NBPF15: variants seen among roughly 807,000 people sequenced by gnomAD.
NBPF15 encodes the protein NBPF member 15, also known as NBPF family member NBPF15.
In NBPF15, 74 loss-of-function variants were observed where a neutral mutation model predicts 62.2. The observed-to-expected ratio is 1.19, with a 90% CI of 0.99 to 1.44. NBPF15 has a LOEUF of 1.44. Ranked by LOEUF, NBPF15 falls within the 40% of genes most tolerant of loss-of-function variation. The probability of loss-of-function intolerance (pLI) is 0.00; values close to 1 mark genes in which losing one functional copy is unlikely to be tolerated. For synonymous variants in NBPF15, 244 were observed against 209.7 expected, an observed-to-expected ratio of 1.16 and a Z score of -1.41; for missense variants, 790 against 550.0, an observed-to-expected ratio of 1.44 and a Z score of -4.36.
At chr1:144,455,188 AAAGG>A (rs1311372739) in intron 4 of NBPF15, among the ~76,000 whole-genome samples, 1 of 147,342 alleles carries the variant, frequency 6.8e-6, no homozygotes, top group African/African-American at 2.5e-5. Flanking sequence ...AGGGAGGAAG[AAAGG>A]AAGGGAGGGA....
rs1420166130 is a variant in NBPF15 at position 144,442,405 on chromosome 1, G to A, written c.-190-2110C>T. The stretch of plus-strand genomic sequence containing the variant: ...ATATATTATACAATATATATAACAC[G>A]TGTGTATATATATTATATATATATA... On this transcript the variant is annotated intron_variant, in intron 6 of 21. Transcript: ENST00000581897. Among the ~76,000 whole-genome samples the A allele has an allele frequency of 1.1e-4, 15 of 137,492 alleles. No individual in the cohort carries two copies. The East Asian group carries it at 2.3e-3, about 21-fold the overall frequency. 90.2% of individuals were successfully genotyped at this position (137,492 alleles called of 152,430 possible).
intron 20 of NBPF15, 146 bp downstream of exon 20, chr1:144,424,544 A>G: frequency 1.6e-6 from 1 of 630,420 alleles, no homozygotes; most frequent in Middle Eastern, 4.3e-4. Flanking sequence ...AGGTAGAACT[A>G]GAGTTTCATT....
chr1:144,436,658 C>T (rs1323703032), intron 10 of NBPF15, among the ~76,000 whole-genome samples: 3 of 152,014 alleles, frequency 2.0e-5, no homozygotes, highest in Non-Finnish European at 4.4e-5. Context: ...ACAGATGCTG[C>T]CTCATACTCC....
intron 8 of NBPF15, among the ~76,000 whole-genome samples, chr1:144,439,320 A>T (rs1159286251): frequency 2.6e-5 from 4 of 151,968 alleles, no homozygotes; most frequent in Admixed American, 2.6e-4. Context: ...TATAGACAGC[A>T]CAGGTTCTAT....
intron 13 of NBPF15, among the ~76,000 whole-genome samples, chr1:144,431,398 G>A (rs1442979681): frequency 3.3e-5 from 5 of 150,620 alleles, no homozygotes; most frequent in African/African-American, 1.0e-4. Flanking sequence ...CTACAAGCCA[G>A]AAGAGAGTGG....
At chr1:144,451,938 G>C (rs1286043171) in intron 4 of NBPF15, among the ~76,000 whole-genome samples, 4 of 151,680 alleles carry the variant, frequency 2.6e-5, no homozygotes, top group Admixed American at 2.6e-4. Flanking sequence ...GATCACTTGA[G>C]GTCAAGAGTT....
In NBPF15 at chr1:144,422,846, A is replaced by T. The variant is rs1666644262; in HGVS notation, c.*167T>A. On this transcript the variant is annotated 3_prime_UTR_variant, in exon 22 of 22. Coordinates refer to ENST00000581897, the MANE Select transcript of NBPF15 (RefSeq NM_001385408.1). ...CCTAACATGGGTCCATTGTCTTCAG[A>T]TTGAGCACAGGTTGCCAATGGCATG... The T allele has an allele frequency of 6.5e-7, 1 of 1,538,790 alleles. No individual in the cohort carries two copies.
intron 3 of NBPF15, among the ~76,000 whole-genome samples, 184 bp downstream of exon 3, chr1:144,459,182 A>G (rs1230292030): frequency 3.9e-5 from 6 of 151,936 alleles, no homozygotes; most frequent in African/African-American, 1.2e-4. Flanking sequence ...TTGATAAAGT[A>G]TAATTTCATT....
intron 8 of NBPF15, among the ~76,000 whole-genome samples, chr1:144,439,428 C>G (rs1174373444): frequency 6.6e-6 from 1 of 151,972 alleles, no homozygotes; most frequent in Non-Finnish European, 1.5e-5. Context: ...CCTGTTGGGC[C>G]TCCACAGAAA....
At position 144,423,124 on chromosome 1, in the gene NBPF15, T is replaced by G. The variant is rs782102063; in HGVS notation, c.1902A>C (p.Ser634=). 54 of 1,611,450 alleles carry G rather than the reference T, an allele frequency of 3.4e-5. No homozygotes were observed. Among genetic ancestry groups the G allele is most frequent in the Non-Finnish European group, 4.5e-5 (53 of 1,179,602 alleles). The change falls in exon 22 of 22, where the codon TCA becomes TCC. Residue 634 remains serine (S), a synonymous_variant. Transcript: ENST00000581897. ...SFQHYRSVFY[S]FEEEHISFAL... is the part of the protein sequence containing the mutation. ...CGAAGCTGATATGCTCTTCCTCAAA[T>G]GAGTAAAACACACTTCTGTAGTGCT...
In NBPF15 at chr1:144,459,872, A is replaced by G. The variant is rs587728202; in HGVS notation, c.-818-389T>C. On this transcript the variant is annotated intron_variant, in intron 2 of 21. Coordinates refer to ENST00000581897, the MANE Select transcript of NBPF15 (RefSeq NM_001385408.1). ...AGTATCCCTGCTAAATGGTACAACC[A>G]CTTTGGGAAAACGTTCAACAATATG... Among the ~76,000 whole-genome samples, 18 of 151,928 alleles carry G rather than the reference A, an allele frequency of 1.2e-4. No individual in the cohort carries two copies. In the South Asian group the frequency reaches 3.6e-3, roughly 30 times the overall value.
chr1:144,442,218 A>T (rs1301774150), intron 6 of NBPF15, among the ~76,000 whole-genome samples: 2 of 106,854 alleles, frequency 1.9e-5, no homozygotes, highest in South Asian at 2.9e-4. Flanking sequence ...TAATATATAT[A>T]ATATATATAT....
At chr1:144,440,100 T>A in intron 7 of NBPF15, 41 bp downstream of exon 7, 8 of 1,579,448 alleles carry the variant, frequency 5.1e-6, no homozygotes, top group Non-Finnish European at 6.1e-6. Flanking sequence ...ATAGGTTTAA[T>A]CAGGACTGAG....
chr1:144,426,722 A>T, intron 17 of NBPF15, among the ~76,000 whole-genome samples: 2 of 151,792 alleles, frequency 1.3e-5, no homozygotes, highest in Middle Eastern at 6.8e-3. Context: ...GTCAAAGGAC[A>T]CTCTGAGTTA....
Position 144,423,167 on chromosome 1 carries a change from T to A in NBPF15, c.1859A>T (p.Glu620Val), listed in dbSNP as rs1553538564. Residue 620 changes from glutamate (E) to valine (V), a missense_variant, in exon 22 of 22, where the codon GAA (glutamate) becomes GTA (valine). By Grantham distance (121) the Glu-to-Val change is moderately radical (BLOSUM62 -2). Coordinates refer to ENST00000581897, the MANE Select transcript of NBPF15 (RefSeq NM_001385408.1). ...GTAGTGCTGGAATGAGTCAGGTTGT[T>A]CAAAGTACATTGACGGAGTCGAATA... ...RCYSTPSMYF[E>V]QPDSFQHYRS... is the part of the protein sequence containing the mutation. 6.2e-7 allele frequency: 1 copy of A among 1,611,578 alleles called. No homozygotes were observed. Among genetic ancestry groups the A allele is most frequent in the South Asian group, 1.1e-5 (1 of 90,966 alleles).
At chr1:144,451,833 A>G (rs1174658808) in intron 4 of NBPF15, among the ~76,000 whole-genome samples, 2 of 151,270 alleles carry the variant, frequency 1.3e-5, no homozygotes, top group Non-Finnish European at 1.5e-5. Flanking sequence ...ACACAGACAC[A>G]GTAACAATCT....
intron 13 of NBPF15, among the ~76,000 whole-genome samples, chr1:144,431,442 G>T (rs1286501126): frequency 6.7e-6 from 1 of 149,186 alleles, no homozygotes; most frequent in East Asian, 1.9e-4. Flanking sequence ...TTTTCCATAT[G>T]TATAGTTTTC....
In NBPF15 at chr1:144,439,829, T is replaced by A. The variant is rs1242156954; in HGVS notation, c.175A>T (p.Lys59Ter). Residue 59 changes from lysine (K) to a stop codon, truncating the protein, a stop_gained and splice_region_variant, in exon 8 of 22, where the codon AAA becomes TAA. Coordinates refer to ENST00000581897, the MANE Select transcript of NBPF15 (RefSeq NM_001385408.1). LOFTEE classifies it high-confidence loss of function. ...ATGACGGTGAGCCTATAGATCTTAC[T>A]GTATTTCTTCTGTCGGTTGGCCAGG... Reference protein sequence around the residue: ...GFLANRQKKYKYEECKDLIKF... With the variant: ...GFLANRQKKY 92 of 1,597,160 alleles carry A rather than the reference T, an allele frequency of 5.8e-5. No individual in the cohort carries two copies. Among genetic ancestry groups the A allele is most frequent in the Non-Finnish European group, 7.6e-5 (89 of 1,169,124 alleles).
intron 20 of NBPF15, among the ~76,000 whole-genome samples, chr1:144,424,333 G>T (rs1365012960): frequency 6.6e-6 from 1 of 151,448 alleles, no homozygotes; most frequent in Non-Finnish European, 1.5e-5. Flanking sequence ...TACTCAGATT[G>T]TTCATGGTTG....
Sources: allele counts gnomAD v4.1 joint callset (sites outside exome capture counted in the v4.1 genomes callset), GRCh38; gene constraint gnomAD v4.1.1; transcripts MANE v1.5; gene names NCBI Gene and HGNC (gene_info 2026-07-23, HGNC 2026-07-21).